The following CSMD1 variants were observed in gnomAD, a reference collection of about 807,000 sequenced individuals.
CSMD1 encodes CUB and sushi domain-containing protein 1.
CSMD1 carries 213 observed loss-of-function variants against 417.5 expected under a neutral mutation model. That is an observed-to-expected ratio of 0.51 (90% CI 0.46 to 0.57). The LOEUF (loss-of-function observed/expected upper bound fraction) is 0.57. Ranked by LOEUF, CSMD1 falls within the 20% of genes least tolerant of loss-of-function variation. The pLI, the probability that CSMD1 is intolerant of heterozygous loss-of-function variation, is 0.00. For missense variants in CSMD1, 6,923 were observed against 4,529.7 expected (o/e 1.53, Z -15.17); for synonymous variants, 2,862 against 1,736.8 (o/e 1.65, Z -16.11).
At chr8:4,890,417 C>G (rs1000214921) in intron 1 of CSMD1, among the ~76,000 whole-genome samples, 1 of 150,324 alleles carries the variant, frequency 6.7e-6, no homozygotes, top group South Asian at 2.1e-4. Context: ...CAGGTGAGAG[C>G]GTGACTCCGA....
At chr8:3,351,164 C>T (rs1808396330) in intron 21 of CSMD1, among the ~76,000 whole-genome samples, 2 of 152,130 alleles carry the variant, frequency 1.3e-5, no homozygotes, top group African/African-American at 2.4e-5. Context: ...CTCATTTATT[C>T]AATATGTAGC....
At chr8:2,958,225 C>A (rs967621127) in intron 62 of CSMD1, among the ~76,000 whole-genome samples, 5 of 152,166 alleles carry the variant, frequency 3.3e-5, no homozygotes, top group Non-Finnish European at 5.9e-5. Flanking sequence ...ACAGAGTCCA[C>A]CAAAACTCTA....
chr8:4,737,529 C>A (rs1381536288), intron 1 of CSMD1, among the ~76,000 whole-genome samples: 1 of 152,132 alleles, frequency 6.6e-6, no homozygotes, highest in East Asian at 1.9e-4. Context: ...CATTACCAGA[C>A]ACATGATTGA....
At chr8:4,298,061 A>T (rs918424810) in intron 3 of CSMD1, among the ~76,000 whole-genome samples, 3 of 152,156 alleles carry the variant, frequency 2.0e-5, no homozygotes, top group African/African-American at 7.2e-5. Flanking sequence ...CTACCAGTAC[A>T]TGCTAGCGTC....
chr8:4,430,178 C>T (rs1797792437), intron 2 of CSMD1, among the ~76,000 whole-genome samples: 1 of 152,198 alleles, frequency 6.6e-6, no homozygotes, highest in Non-Finnish European at 1.5e-5. Flanking sequence ...CGTGTGCTTT[C>T]CTAAGCAAGG....
chr8:4,944,448 T>C (rs578108746), intron 1 of CSMD1, among the ~76,000 whole-genome samples: 5 of 152,318 alleles, frequency 3.3e-5, no homozygotes, highest in Non-Finnish European at 2.9e-5. Flanking sequence ...TTTCATTCTT[T>C]CTTGAAATCC....
intron 7 of CSMD1, among the ~76,000 whole-genome samples, chr8:3,667,480 T>C (rs1487238842): frequency 6.6e-6 from 1 of 151,958 alleles, no homozygotes; most frequent in African/African-American, 2.4e-5. Context: ...TGGCAAACAA[T>C]GCAGGGCCAG....
intron 5 of CSMD1, among the ~76,000 whole-genome samples, chr8:3,919,290 G>A (rs1028368106): frequency 4.6e-5 from 7 of 151,176 alleles, no homozygotes; most frequent in South Asian, 4.2e-4. Flanking sequence ...TTTGGGTATC[G>A]CACTGAAGTC....
intron 3 of CSMD1, among the ~76,000 whole-genome samples, chr8:4,366,247 C>G (rs1584963462): frequency 8.8e-6 from 1 of 113,234 alleles, no homozygotes; most frequent in Non-Finnish European, 1.7e-5. Flanking sequence ...CTGCAAAAGA[C>G]GTGATTCTTT....
intron 5 of CSMD1, among the ~76,000 whole-genome samples, chr8:3,895,156 A>T (rs1300145875): frequency 6.6e-6 from 1 of 152,204 alleles, no homozygotes; most frequent in Non-Finnish European, 1.5e-5. Flanking sequence ...TTATCTCCAA[A>T]TCACTAATTC....
At chr8:2,996,545 G>C (rs866354204) in intron 54 of CSMD1, among the ~76,000 whole-genome samples, 2 of 152,310 alleles carry the variant, frequency 1.3e-5, no homozygotes, top group East Asian at 3.9e-4. Context: ...GCTCTGCTCC[G>C]TATGGAGTCC....
intron 46 of CSMD1, among the ~76,000 whole-genome samples, chr8:3,103,253 G>A (rs973965439): frequency 1.3e-5 from 2 of 152,234 alleles, no homozygotes; most frequent in African/African-American, 4.8e-5. Context: ...CCTGTAACCA[G>A]TTATAGAAAT....
intron 52 of CSMD1, among the ~76,000 whole-genome samples, chr8:3,014,400 G>C (rs1272918475): frequency 6.6e-6 from 1 of 152,128 alleles, no homozygotes; most frequent in African/African-American, 2.4e-5. Context: ...TTGATAGCTA[G>C]CTTCTTTTCC....
chr8:4,989,227 T>C (rs1036060798), intron 1 of CSMD1, among the ~76,000 whole-genome samples: 1 of 152,178 alleles, frequency 6.6e-6, no homozygotes, highest in Non-Finnish European at 1.5e-5. Flanking sequence ...GAAACATCTA[T>C]TTCTATTTCT....
intron 1 of CSMD1, among the ~76,000 whole-genome samples, chr8:4,955,838 T>C (rs933344739): frequency 6.8e-6 from 1 of 146,274 alleles, no homozygotes; most frequent in African/African-American, 2.5e-5. Context: ...GTCGTAGAAA[T>C]TGGCAAACAC....
intron 7 of CSMD1, among the ~76,000 whole-genome samples, chr8:3,638,818 T>G (rs565182086): frequency 1.1e-4 from 16 of 152,202 alleles, no homozygotes; most frequent in African/African-American, 3.9e-4. Flanking sequence ...CCCTCTCTCC[T>G]TCCTCACACC....
At chr8:4,946,283 T>G (rs1201083368) in intron 1 of CSMD1, among the ~76,000 whole-genome samples, 1 of 152,184 alleles carries the variant, frequency 6.6e-6, no homozygotes, top group Non-Finnish European at 1.5e-5. Flanking sequence ...AAGAAAGCTT[T>G]TTCCCAAAAC....
At chr8:4,912,931 A>T (rs1232919946) in intron 1 of CSMD1, among the ~76,000 whole-genome samples, 1 of 152,060 alleles carries the variant, frequency 6.6e-6, no homozygotes, top group African/African-American at 2.4e-5. Flanking sequence ...GACTACAGGC[A>T]CCCACCACCT....
intron 8 of CSMD1, among the ~76,000 whole-genome samples, chr8:3,606,872 G>A (rs552112863): frequency 2.0e-4 from 30 of 151,876 alleles, no homozygotes; most frequent in South Asian, 8.3e-4. Context: ...CACCACGCCC[G>A]GCAAATTTTT....
Sources: allele counts gnomAD v4.1 joint callset (sites outside exome capture counted in the v4.1 genomes callset), GRCh38; gene constraint gnomAD v4.1.1; transcripts MANE v1.5; gene names NCBI Gene and HGNC (gene_info 2026-07-23, HGNC 2026-07-21).